Variants in ZFAT observed in about 807,000 individuals in gnomAD.
ZFAT encodes the protein zinc finger and AT-hook domain containing.
In ZFAT, 64 loss-of-function variants were observed where a neutral mutation model predicts 117.7. The observed-to-expected ratio is 0.54, with a 90% CI of 0.44 to 0.67. The LOEUF is 0.67. ZFAT is among the 30% of genes least tolerant of loss of function. The pLI is 0.00. For synonymous variants in ZFAT, 679 were observed against 615.0 expected (o/e 1.10, Z -1.54); for missense variants, 1,433 against 1,584.5 (o/e 0.90, Z 1.62).
chr8:134,694,728 T>G (rs1362142453), intron 1 of ZFAT, among the ~76,000 whole-genome samples: 2 of 152,172 alleles, frequency 1.3e-5, no homozygotes, highest in Non-Finnish European at 2.9e-5. Context: ...TCAGCTCTCG[T>G]GTGTTCCTGT....
At chr8:134,787,407 GTACCAT>G in the ZFAT span, among the ~76,000 whole-genome samples, 3 of 152,134 alleles carry the variant, frequency 2.0e-5, no homozygotes, top group Admixed American at 6.6e-5. Context: ...CTAATTGACT[GTACCAT>G]TACAATAGTT....
chr8:134,630,778 A>G (rs1380052088), intron 3 of ZFAT, among the ~76,000 whole-genome samples: 1 of 152,234 alleles, frequency 6.6e-6, no homozygotes, highest in African/African-American at 2.4e-5. Context: ...TAAATGTTGA[A>G]AACATATCAA....
At chr8:134,730,948 A>T in the ZFAT span, among the ~76,000 whole-genome samples, 3 of 152,252 alleles carry the variant, frequency 2.0e-5, no homozygotes, top group African/African-American at 7.2e-5. Flanking sequence ...AAGAGATCAG[A>T]AGTATCCAAA....
chr8:134,512,138 A>G (rs1221155795), intron 14 of ZFAT, among the ~76,000 whole-genome samples: 2 of 152,222 alleles, frequency 1.3e-5, no homozygotes, highest in African/African-American at 4.8e-5. Context: ...TTAGCCAACC[A>G]TTAACAATGA....
At chr8:134,695,068 C>T (rs1277685419) in intron 1 of ZFAT, among the ~76,000 whole-genome samples, 1 of 152,174 alleles carries the variant, frequency 6.6e-6, no homozygotes, top group Non-Finnish European at 1.5e-5. Context: ...CTCAGGGCTT[C>T]AGGGGAGGGA....
chr8:134,818,957 G>C, the ZFAT span, among the ~76,000 whole-genome samples: 227 of 152,298 alleles, frequency 1.5e-3, 2 homozygotes, highest in African/African-American at 5.3e-3. Flanking sequence ...AAAACTTTTG[G>C]GGGTATATGT....
chr8:134,653,282 A>C (rs1306549923), intron 2 of ZFAT, among the ~76,000 whole-genome samples: 1 of 130,980 alleles, frequency 7.6e-6, no homozygotes, highest in Non-Finnish European at 1.5e-5. Flanking sequence ...AAAAAAAAAA[A>C]AAAAAAAAAC....
rs561579763 is a variant in ZFAT, at chr8:134,685,675, CTT to C, written c.19+27168_19+27169del. 2.2e-3 allele frequency among the ~76,000 whole-genome samples: 336 copies of C among 152,274 alleles called. 2 individuals carry two copies. The highest frequency in any genetic ancestry group is 7.7e-3 in the African/African-American group (320 of 41,560). Reference sequence around the variant, plus strand: ...GACCACCAGGTAAGAGGCAGACAGTCTTTTAGCAAAACAACACCGGGAGTTAC... The same window carrying C: ...GACCACCAGGTAAGAGGCAGACAGTCTTAGCAAAACAACACCGGGAGTTAC... On this transcript the variant is annotated intron_variant, in intron 1 of 15. Coordinates refer to ENST00000377838, the MANE Select transcript of ZFAT (RefSeq NM_020863.4).
the ZFAT span, among the ~76,000 whole-genome samples, chr8:134,724,587 G>A: frequency 6.6e-6 from 1 of 151,950 alleles, no homozygotes; most frequent in African/African-American, 2.4e-5. Flanking sequence ...ATGTATATGG[G>A]TTGAACAGCA....
intron 8 of ZFAT, among the ~76,000 whole-genome samples, chr8:134,588,672 G>C (rs1826235717): frequency 6.6e-6 from 1 of 152,168 alleles, no homozygotes; most frequent in Non-Finnish European, 1.5e-5. Flanking sequence ...AAGTGACTCA[G>C]TTTCCCCCAT....
chr8:134,792,910 C>T, the ZFAT span: 1 of 152,142 alleles, frequency 6.6e-6, no homozygotes, highest in East Asian at 1.9e-4. Flanking sequence ...TTGGCAGTCA[C>T]TTTATTACTT....
At chr8:134,612,579 A>C (rs1485385632) in intron 3 of ZFAT, among the ~76,000 whole-genome samples, 2 of 152,226 alleles carry the variant, frequency 1.3e-5, no homozygotes, top group Non-Finnish European at 2.9e-5. Context: ...TGTTCTATAA[A>C]GTTTTTTTGG....
chr8:134,519,383 TC>T (rs947088802), intron 13 of ZFAT, among the ~76,000 whole-genome samples: 3 of 152,344 alleles, frequency 2.0e-5, no homozygotes, highest in African/African-American at 7.2e-5. Flanking sequence ...TGGTTTTGTT[TC>T]CTGTATCAAA....
In ZFAT at chr8:134,504,201, A is replaced by G. The variant is rs927553427; in HGVS notation, c.3492+5418T>C. On this transcript the variant is annotated intron_variant, in intron 15 of 15. Coordinates refer to ENST00000377838, the MANE Select transcript of ZFAT (RefSeq NM_020863.4). ...CTTGTACAATGAACGAATGACCCAC[A>G]CCACTTCACTGGGAGCCCAACTCCC... 3.3e-5 allele frequency among the ~76,000 whole-genome samples: 5 copies of G among 152,126 alleles called. No individual in the cohort carries two copies. The East Asian group carries it at 9.7e-4, about 29-fold the overall frequency.
chr8:134,667,550 G>T (rs1305440219), intron 1 of ZFAT, among the ~76,000 whole-genome samples: 3 of 118,668 alleles, frequency 2.5e-5, no homozygotes, highest in African/African-American at 5.8e-5. Flanking sequence ...AAACCACCAG[G>T]GCACATATGT....
Position 134,509,725 on chromosome 8 carries a change from A to G in ZFAT, c.3386T>C (p.Val1129Ala). 6.2e-7 allele frequency: 1 copy of G among 1,610,620 alleles called. No homozygotes were observed. The highest frequency in any genetic ancestry group is 8.5e-7 in the Non-Finnish European group (1 of 1,178,888). ...ESGDRLDPTAVNILQQIIELG... is the reference protein window; with the variant it reads ...ESGDRLDPTAANILQQIIELG... ...CTCAATGATCTGCTGCAGGATGTTC[A>G]CGGCCGTGGGGTCCAGTCGGTCGCC... The change falls in exon 15 of 16, where the codon GTG becomes GCG. Residue 1129 changes from valine to alanine, a missense_variant. Transcript: ENST00000377838.
chr8:134,529,302 C>A (rs958318047), intron 12 of ZFAT, among the ~76,000 whole-genome samples: 2 of 152,202 alleles, frequency 1.3e-5, no homozygotes, highest in Non-Finnish European at 2.9e-5. Context: ...ACCAAAGTAT[C>A]TGATGCCTCT....
In ZFAT at chr8:134,602,718, G is replaced by A. The variant is rs1259544398; in HGVS notation, c.1001C>T (p.Thr334Ile). ...EKFACDYCSF[T>I]CLSKGHLKVH... is the part of the protein sequence containing the mutation. The stretch of plus-strand genomic sequence containing the variant: ...CTTGAGGTGGCCCTTGCTCAGGCAG[G>A]TGAACGAGCAATAGTCGCAGGCGAA... The change falls in exon 6 of 16, where the codon ACC becomes ATC. Residue 334 changes from threonine (T) to isoleucine (I), a missense_variant. Physicochemically the swap from Thr to Ile is moderately conservative, Grantham distance 89. Around this residue, in one of 5 missense-constraint regions of ZFAT, gnomAD observed 436 missense variants for 482.0 expected, o/e 0.90. Transcript: ENST00000377838. 2 of 1,614,016 alleles carry A rather than the reference G, an allele frequency of 1.2e-6. No homozygotes were observed. Among genetic ancestry groups the A allele is most frequent in the Non-Finnish European group, 1.7e-6 (2 of 1,179,912 alleles).
intron 15 of ZFAT, among the ~76,000 whole-genome samples, chr8:134,486,667 C>A (rs1401971029): frequency 6.6e-6 from 1 of 152,294 alleles, no homozygotes. Context: ...GATCCAGATC[C>A]AGCCTTCCGT....
Sources: gnomAD v4.1 joint callset for allele counts (sites outside exome capture counted in the v4.1 genomes callset) on GRCh38, gnomAD v4.1.1 for gene constraint, gnomAD v4.1.1 regional missense constraint, MANE v1.5 for transcripts, NCBI Gene and HGNC (gene_info 2026-07-23, HGNC 2026-07-21) for gene names.